Variants in LAMB4 observed in about 807,000 individuals in gnomAD.
LAMB4 encodes laminin subunit beta 4.
A neutral mutation model predicts 199.2 loss-of-function variants in LAMB4; 196 were observed. That is an observed-to-expected ratio of 0.98 (90% CI 0.88 to 1.11). LAMB4 has a LOEUF of 1.11. LAMB4 is among the 50% of genes least tolerant of loss of function. The pLI, the probability that LAMB4 is intolerant of heterozygous loss-of-function variation, is 0.00. For missense variants in LAMB4, 2,080 were observed against 2,171.2 expected, an observed-to-expected ratio of 0.96 and a Z score of 0.83; for synonymous variants, 744 against 770.6, an observed-to-expected ratio of 0.97 and a Z score of 0.57.
chr7:108,117,436 G>A (rs1224473824), intron 2 of LAMB4, among the ~76,000 whole-genome samples: 1 of 152,156 alleles, frequency 6.6e-6, no homozygotes, highest in South Asian at 2.1e-4. Flanking sequence ...TTTGTTAATT[G>A]TTGGGAAGAT....
chr7:108,027,843 C>T (rs542822364), intron 33 of LAMB4, among the ~76,000 whole-genome samples: 3 of 152,168 alleles, frequency 2.0e-5, no homozygotes, highest in Non-Finnish European at 4.4e-5. Flanking sequence ...AGTGCAGTGG[C>T]GTGATCTTGG....
At position 108,078,209 on chromosome 7, in the gene LAMB4, C is replaced by T. The variant is rs533527693; in HGVS notation, c.1995G>A (p.Ala665=). The T allele has an allele frequency of 2.8e-5, 45 of 1,602,440 alleles. No homozygotes were observed. The highest frequency in any genetic ancestry group is 1.3e-4 in the East Asian group (6 of 44,732). The part of the protein sequence containing the change: ...QSKPQSFALP[A]ATRIMLLPTP... Reference sequence around the variant, plus strand: ...ACCGGTCTGAAACATACCTCGTAGCCGCTGGTAAGGCAAAAGACTGAGGCT... The same window carrying T: ...ACCGGTCTGAAACATACCTCGTAGCTGCTGGTAAGGCAAAAGACTGAGGCT... The change falls in exon 16 of 34, where the codon GCG becomes GCA. Residue 665 remains alanine, a synonymous_variant. Transcript: ENST00000388781.
At position 108,055,663 on chromosome 7, in the gene LAMB4, A is replaced by G. The variant is rs751641391; in HGVS notation, c.3724T>C (p.Leu1242=). ...GAGTCATGATAATCCTTGACTTTTA[A>G]GAATTTCCCAGATGGGAAAACAGGA... ...KHPVFPSGKF[L]KVKDYHDSVR... The change falls in exon 25 of 34, where the codon TTA becomes CTA. Residue 1242 remains leucine (L), a synonymous_variant. Transcript: ENST00000388781. The G allele has an allele frequency of 6.2e-7, 1 of 1,613,850 alleles. No individual in the cohort carries two copies. Among genetic ancestry groups the G allele is most frequent in the Admixed American group, 1.7e-5 (1 of 59,964 alleles).
intron 28 of LAMB4, among the ~76,000 whole-genome samples, chr7:108,046,722 C>G (rs945292049): frequency 6.6e-6 from 1 of 152,092 alleles, no homozygotes; most frequent in Middle Eastern, 3.4e-3. Flanking sequence ...CTCAGTCTAT[C>G]AACAGGGGAA....
intron 30 of LAMB4, 118 bp downstream of exon 30, chr7:108,037,270 T>C (rs1421981404): frequency 5.1e-6 from 4 of 787,758 alleles, no homozygotes; most frequent in Non-Finnish European, 6.2e-6. Flanking sequence ...ACTTGGGCAC[T>C]GAACTATCAG....
chr7:108,084,027 T>G (rs977675388), intron 14 of LAMB4, among the ~76,000 whole-genome samples: 1 of 152,200 alleles, frequency 6.6e-6, no homozygotes, highest in Admixed American at 6.5e-5. Context: ...GGCACTGAGG[T>G]GATCCACTGG....
At chr7:108,104,423 G>T (rs1442408487) in intron 9 of LAMB4, 76 bp downstream of exon 9, 1 of 1,564,232 alleles carries the variant, frequency 6.4e-7, no homozygotes, top group South Asian at 1.2e-5. Flanking sequence ...CAGCCCCACA[G>T]AAGTGAACGA....
At chr7:108,126,083 G>A (rs530320514) in intron 1 of LAMB4, among the ~76,000 whole-genome samples, 26 of 152,330 alleles carry the variant, frequency 1.7e-4, no homozygotes, top group African/African-American at 6.0e-4. Flanking sequence ...GTTGCTATGT[G>A]AAGAGATAAA....
At chr7:108,104,716 C>T in intron 8 of LAMB4, 97 bp from the exon 9 acceptor site, 1 of 1,370,418 alleles carries the variant, frequency 7.3e-7, no homozygotes, top group Non-Finnish European at 9.9e-7. Flanking sequence ...CCTGGTACCT[C>T]TCTGATCCTT....
Position 108,062,797 on chromosome 7 carries a change from A to T in LAMB4, c.3259T>A (p.Ser1087Thr). ...GCCTGGTCACAGTGGCTACTTTGAG[A>T]GGTCCTAGGGTCACAGTCACATGAC... is the stretch of plus-strand genomic sequence containing the variant. Reference protein sequence around the residue: ...CQSCDCDPRTSQSSHCDQLTG... With the variant: ...CQSCDCDPRTTQSSHCDQLTG... Residue 1087 changes from serine to threonine, a missense_variant, in exon 23 of 34, where the codon TCT (serine) becomes ACT (threonine). Ser to Thr is a moderately conservative substitution (Grantham distance 58, BLOSUM62 1). Transcript: ENST00000388781. 2 of 1,441,868 alleles carry T rather than the reference A, an allele frequency of 1.4e-6. No individual in the cohort carries two copies. The highest frequency in any genetic ancestry group is 2.6e-5 in the East Asian group (1 of 38,600). The allele number at this position is 1,441,868 out of a possible 1,614,324, so 89.3% of individuals were successfully genotyped here.
chr7:108,025,098 A>T (rs552949433), intron 33 of LAMB4, among the ~76,000 whole-genome samples: 1 of 152,350 alleles, frequency 6.6e-6, no homozygotes, highest in Non-Finnish European at 1.5e-5. Flanking sequence ...ACTGTCCTGT[A>T]AACAAACATT....
intron 7 of LAMB4, among the ~76,000 whole-genome samples, 200 bp from the exon 8 acceptor site, chr7:108,106,231 A>T (rs2038004386): frequency 1.3e-5 from 2 of 152,132 alleles, no homozygotes; most frequent in African/African-American, 4.8e-5. Flanking sequence ...CAGACTGGGC[A>T]ACATGGCGAC....
chr7:108,046,574 G>A (rs1194218402), intron 28 of LAMB4, among the ~76,000 whole-genome samples: 1 of 151,606 alleles, frequency 6.6e-6, no homozygotes, highest in African/African-American at 2.4e-5. Context: ...AGAATAAAAT[G>A]CATTCTCAAA....
chr7:108,015,748 CTTTTT>C, the LAMB4 span, among the ~76,000 whole-genome samples: 492 of 123,470 alleles, frequency 4.0e-3, 1 homozygote, highest in African/African-American at 0.012. Context: ...GTTTTGAAGA[CTTTTT>C]TTTTTTTTTT....
chr7:108,055,218 C>T (rs144425443), intron 25 of LAMB4, among the ~76,000 whole-genome samples: 56 of 148,982 alleles, frequency 3.8e-4, no homozygotes, highest in African/African-American at 1.4e-3. Context: ...CAGAGTTTCA[C>T]TCTTGTCGCC....
At chr7:108,034,115 G>T in intron 31 of LAMB4, 93 bp downstream of exon 31, 1 of 1,225,610 alleles carries the variant, frequency 8.2e-7, no homozygotes, top group Non-Finnish European at 1.2e-6. Flanking sequence ...CATCAGACTC[G>T]TAAAGCAAGC....
In LAMB4 at chr7:108,052,005, G is replaced by A. The variant is rs927418743; in HGVS notation, c.3916+92C>T. On this transcript the variant is annotated intron_variant, in intron 26 of 33. Transcript: ENST00000388781. ...ATGTTCTAAAGTGCTCAGGCACTATGGTGGTAAGCAGGGGACGACTCACTA... is the reference window on the plus strand; with the variant it reads ...ATGTTCTAAAGTGCTCAGGCACTATAGTGGTAAGCAGGGGACGACTCACTA... 4 of 958,744 alleles carry A rather than the reference G, an allele frequency of 4.2e-6. No homozygotes were observed. The African/African-American group carries it at 4.9e-5, about 12-fold the overall frequency. 59.4% of individuals were successfully genotyped at this position (958,744 alleles called of 1,614,324 possible).
chr7:108,035,456 C>A (rs2035187217), intron 30 of LAMB4, among the ~76,000 whole-genome samples: 1 of 150,834 alleles, frequency 6.6e-6, no homozygotes, highest in African/African-American at 2.4e-5. Flanking sequence ...GCATGAGAAT[C>A]ACTTGAATCT....
chr7:108,057,813 T>A lies in LAMB4; in HGVS notation c.3379+19A>T. 6.5e-7 allele frequency: 1 copy of A among 1,546,998 alleles called. No individual in the cohort carries two copies. The highest frequency in any genetic ancestry group is 8.9e-7 in the Non-Finnish European group (1 of 1,118,860). On this transcript the variant is annotated intron_variant, in intron 24 of 33. Coordinates refer to ENST00000388781, the MANE Select transcript of LAMB4 (RefSeq NM_007356.3). ...CAGGCTGACTGTACGCATGAGTTTT[T>A]AGAAATCCCAATACTTACGAATGCA...
Sources: gnomAD v4.1 joint callset for allele counts (sites outside exome capture counted in the v4.1 genomes callset) on GRCh38, gnomAD v4.1.1 for gene constraint, MANE v1.5 for transcripts, NCBI Gene and HGNC (gene_info 2026-07-23, HGNC 2026-07-21) for gene names.